The following MYO16 variants were observed in gnomAD, a reference collection of about 807,000 sequenced individuals.
MYO16 encodes unconventional myosin-XVI.
MYO16 carries 94 observed loss-of-function variants against 205.3 expected under a neutral mutation model. That is an observed-to-expected ratio of 0.46 (90% CI 0.39 to 0.54). MYO16 has a LOEUF of 0.54. Among genes scored for constraint, MYO16 ranks in the 20% least tolerant of loss-of-function variants. MYO16 has a pLI of 0.00. For synonymous variants in MYO16, 988 were observed against 954.0 expected (o/e 1.04, Z -0.66); for missense variants, 2,315 against 2,387.5 (o/e 0.97, Z 0.63).
the MYO16 span, among the ~76,000 whole-genome samples, chr13:108,530,187 A>T: frequency 6.6e-6 from 1 of 152,216 alleles, no homozygotes; most frequent in African/African-American, 2.4e-5. Flanking sequence ...ATATGGGGGA[A>T]ATCTAGAGAG....
At chr13:109,153,410 G>GATATAA (rs1877791721) in intron 32 of MYO16, among the ~76,000 whole-genome samples, 1 of 152,104 alleles carries the variant, frequency 6.6e-6, no homozygotes, top group South Asian at 2.1e-4. Flanking sequence ...TATAGATATA[G>GATATAA]AAAGGATAGA....
intron 1 of MYO16, 93 bp from the exon 2 acceptor site, chr13:108,665,793 G>A: frequency 7.5e-7 from 1 of 1,329,968 alleles, no homozygotes; most frequent in Non-Finnish European, 1.0e-6. Context: ...TATGACCTGT[G>A]CAATGGACAA....
intron 4 of MYO16, among the ~76,000 whole-genome samples, chr13:108,777,129 A>AT: frequency 6.6e-6 from 1 of 152,132 alleles, no homozygotes; most frequent in Non-Finnish European, 1.5e-5. Context: ...AAACTGGGGC[A>AT]TAAAACCCTT....
At chr13:109,019,544 T>G (rs9521128) in intron 22 of MYO16, among the ~76,000 whole-genome samples, 167 bp from the exon 23 acceptor site, 25,277 of 152,154 alleles carry the variant, frequency 0.17, 2,236 homozygotes, top group East Asian at 0.24. Flanking sequence ...ATCAGAGCCC[T>G]GCTAGGTGGT....
At chr13:109,006,042 T>A (rs1266532341) in intron 21 of MYO16, among the ~76,000 whole-genome samples, 3 of 152,190 alleles carry the variant, frequency 2.0e-5, no homozygotes, top group Admixed American at 2.0e-4. Flanking sequence ...GTAATTTGTC[T>A]TGCTCATTGG....
intron 4 of MYO16, among the ~76,000 whole-genome samples, chr13:108,729,509 TC>T (rs567754125): frequency 2.7e-4 from 41 of 152,174 alleles, no homozygotes; most frequent in Admixed American, 8.5e-4. Context: ...TTTCTTTTTT[TC>T]TAAATACTTG....
chr13:108,586,448 A>T, the MYO16 span, among the ~76,000 whole-genome samples: 2 of 152,186 alleles, frequency 1.3e-5, no homozygotes, highest in African/African-American at 4.8e-5. Flanking sequence ...TCCATTTGGT[A>T]GGCTGAGGTT....
chr13:108,498,889 C>T, the MYO16 span, among the ~76,000 whole-genome samples: 1 of 152,226 alleles, frequency 6.6e-6, no homozygotes, highest in African/African-American at 2.4e-5. Flanking sequence ...ACCCATTCCA[C>T]ATTGCCAATT....
At chr13:109,172,370 C>A (rs1048233489) in intron 33 of MYO16, among the ~76,000 whole-genome samples, 7 of 152,168 alleles carry the variant, frequency 4.6e-5, no homozygotes, top group African/African-American at 9.7e-5. Context: ...ATCGAGTAAG[C>A]CCTGCCCCAC....
chr13:108,661,327 T>A (rs1033092206), intron 1 of MYO16, among the ~76,000 whole-genome samples: 6 of 152,146 alleles, frequency 3.9e-5, no homozygotes, highest in African/African-American at 1.2e-4. Flanking sequence ...GATGTCTAGG[T>A]CTCTCTCAAG....
intron 33 of MYO16, among the ~76,000 whole-genome samples, chr13:109,170,332 G>A (rs886427500): frequency 6.6e-6 from 1 of 152,026 alleles, no homozygotes; most frequent in East Asian, 1.9e-4. Flanking sequence ...AGACTCCAGG[G>A]CAATACTACT....
At chr13:108,621,941 T>C (rs1879558463) in intron 1 of MYO16, among the ~76,000 whole-genome samples, 1 of 152,040 alleles carries the variant, frequency 6.6e-6, no homozygotes, top group Non-Finnish European at 1.5e-5. Context: ...AACTAAACTT[T>C]ATCATAGGAA....
intron 6 of MYO16, among the ~76,000 whole-genome samples, chr13:108,803,904 G>T (rs975200141): frequency 6.6e-6 from 1 of 152,196 alleles, no homozygotes; most frequent in Admixed American, 6.5e-5. Context: ...GAGGGACATA[G>T]AAGTGGTTTA....
chr13:109,041,968 G>A (rs751387627), intron 23 of MYO16, among the ~76,000 whole-genome samples: 8 of 151,410 alleles, frequency 5.3e-5, no homozygotes, highest in Non-Finnish European at 8.8e-5. Flanking sequence ...GGGTTCAAGC[G>A]ATTCTCCTGC....
chr13:108,529,920 G>A, the MYO16 span, among the ~76,000 whole-genome samples: 1 of 152,166 alleles, frequency 6.6e-6, no homozygotes, highest in Non-Finnish European at 1.5e-5. Flanking sequence ...GGGGCAGAGT[G>A]GGGGATTTGA....
chr13:108,842,363 T>A (rs1877288654), intron 9 of MYO16, among the ~76,000 whole-genome samples: 1 of 152,080 alleles, frequency 6.6e-6, no homozygotes, highest in Admixed American at 6.6e-5. Flanking sequence ...TGCAAATATA[T>A]ATGATAAGGG....
intron 33 of MYO16, among the ~76,000 whole-genome samples, chr13:109,168,012 A>G (rs1878760315): frequency 6.6e-6 from 1 of 152,174 alleles, no homozygotes; most frequent in African/African-American, 2.4e-5. Flanking sequence ...AATATTATAC[A>G]CTGATAAACC....
At chr13:108,870,446 T>C (rs561453745) in intron 12 of MYO16, among the ~76,000 whole-genome samples, 19 of 152,034 alleles carry the variant, frequency 1.2e-4, no homozygotes, top group South Asian at 1.2e-3. Context: ...TCTGAAAGAG[T>C]TTGTAAATTT....
chr13:108,749,275 G>C (rs60116464), intron 4 of MYO16, among the ~76,000 whole-genome samples: 73,431 of 151,954 alleles, frequency 0.48, 18,387 homozygotes, highest in Middle Eastern at 0.63. Context: ...CCGCCTATCT[G>C]GCTAAAGTGT....
Sources: allele counts gnomAD v4.1 joint callset (sites outside exome capture counted in the v4.1 genomes callset), GRCh38; gene constraint gnomAD v4.1.1; transcripts MANE v1.5; gene names NCBI Gene and HGNC (gene_info 2026-07-23, HGNC 2026-07-21).